The following RUFY3 variants were observed in gnomAD, a reference collection of about 807,000 sequenced individuals.
RUFY3 encodes protein RUFY3.
A neutral mutation model predicts 84.0 loss-of-function variants in RUFY3; 34 were observed. The ratio of observed to expected loss-of-function variants is 0.40; its 90% confidence interval spans 0.31 to 0.54. The LOEUF (loss-of-function observed/expected upper bound fraction) is 0.54, where lower values mean the gene tolerates loss of function less well. Ranked by LOEUF, RUFY3 falls within the 20% of genes least tolerant of loss-of-function variation. The pLI is 0.39. For synonymous variants in RUFY3, 242 were observed against 252.9 expected, an observed-to-expected ratio of 0.96 and a Z score of 0.41; for missense variants, 507 against 736.8, an observed-to-expected ratio of 0.69 and a Z score of 3.61.
At chr4:70,730,269 GACATTGAGAGGTGATGC>G (rs1390341647) in intron 1 of RUFY3, among the ~76,000 whole-genome samples, 1 of 152,060 alleles carries the variant, frequency 6.6e-6, no homozygotes, top group Non-Finnish European at 1.5e-5. Context: ...TAAGGAGTCT[GACATTGAGAGGTGATGC>G]ACAGATGATC....
intron 1 of RUFY3, among the ~76,000 whole-genome samples, chr4:70,737,878 T>G (rs1720619170): frequency 6.6e-6 from 1 of 151,740 alleles, no homozygotes; most frequent in African/African-American, 2.4e-5. Flanking sequence ...TACACCATGT[T>G]GCCAGGCTGG....
intron 1 of RUFY3, among the ~76,000 whole-genome samples, chr4:70,756,177 A>T (rs1278602859): frequency 6.6e-6 from 1 of 152,050 alleles, no homozygotes; most frequent in East Asian, 1.9e-4. Context: ...TGAAATGCTA[A>T]CGTTCTACCC....
At chr4:70,705,133 T>G in exon 1 of RUFY3, 1 of 1,443,576 alleles carries the variant, frequency 6.9e-7, no homozygotes, top group Non-Finnish European at 9.1e-7. Flanking sequence ...GCCCCCTTCT[T>G]CCTGCTGTAC....
chr4:70,769,274 C>T (rs1332571307), intron 5 of RUFY3, among the ~76,000 whole-genome samples: 1 of 151,988 alleles, frequency 6.6e-6, no homozygotes, highest in Non-Finnish European at 1.5e-5. Context: ...TATAGTTAGC[C>T]ATAATTGTGC....
chr4:70,723,651 G>C (rs935455915), intron 1 of RUFY3, among the ~76,000 whole-genome samples: 1 of 152,032 alleles, frequency 6.6e-6, no homozygotes, highest in Non-Finnish European at 1.5e-5. Flanking sequence ...TAATACAGTT[G>C]CTTCTTAGCT....
At chr4:70,719,132 C>T (rs1741988689), upstream of RUFY3, among the ~76,000 whole-genome samples, 1 of 152,216 alleles carries the variant, frequency 6.6e-6, no homozygotes, top group African/African-American at 2.4e-5. Flanking sequence ...TAAAGAACAG[C>T]GTAGAAGTAC....
intron 14 of RUFY3, among the ~76,000 whole-genome samples, chr4:70,796,163 C>T (rs886701928): frequency 1.3e-5 from 2 of 152,130 alleles, no homozygotes; most frequent in Non-Finnish European, 2.9e-5. Flanking sequence ...CACACCACTG[C>T]ACTCCAGCCT....
intron 1 of RUFY3, chr4:70,734,326 A>T (rs1719927824): frequency 6.2e-6 from 5 of 809,844 alleles, no homozygotes; most frequent in Non-Finnish European, 7.5e-6. Context: ...CTTTGCTTTC[A>T]CTGTGGCACA....
chr4:70,741,546 T>C, intron 1 of RUFY3: 1 of 1,211,592 alleles, frequency 8.3e-7, no homozygotes, highest in Admixed American at 2.5e-5. Context: ...CCTTTGGAAA[T>C]CTTGTTTTTA....
At position 70,788,936 on chromosome 4, in the gene RUFY3, T is replaced by A; in HGVS notation, c.1202T>A (p.Leu401His). The A allele has an allele frequency of 3.7e-6, 6 of 1,614,124 alleles. No individual in the cohort carries two copies. The highest frequency in any genetic ancestry group is 5.1e-6 in the Non-Finnish European group (6 of 1,179,998). Residue 401 changes from leucine (L) to histidine (H), a missense_variant, in exon 11 of 18, where the codon CTC (leucine) becomes CAC (histidine). Leu to His is a moderately conservative substitution (Grantham distance 99, BLOSUM62 -3). Coordinates refer to ENST00000381006, the MANE Select transcript of RUFY3 (RefSeq NM_001037442.4). ...TCTCTTCGGCAGCAGCTGGATGACCTCAGAGCTCTCAAGCATGAACTTGCC... is the reference window on the plus strand; with the variant it reads ...TCTCTTCGGCAGCAGCTGGATGACCACAGAGCTCTCAAGCATGAACTTGCC... Reference protein sequence around the residue: ...LVSLRQQLDDLRALKHELAFK... With the variant: ...LVSLRQQLDDHRALKHELAFK...
chr4:70,767,980 A>G (rs949485857), intron 4 of RUFY3, among the ~76,000 whole-genome samples: 7 of 151,988 alleles, frequency 4.6e-5, no homozygotes, highest in Non-Finnish European at 8.8e-5. Context: ...TGCCCAGCCA[A>G]TAATTTTTAT....
rs144474642 is a variant in RUFY3, at chr4:70,785,052, A to G, written c.1071+173A>G. Among the ~76,000 whole-genome samples, 100 of 152,222 alleles carry G rather than the reference A, an allele frequency of 6.6e-4. 1 individual carries two copies. The East Asian group carries it at 0.019, about 28-fold the overall frequency. ...CCACATTCCTTATCATACTTTCTCA[A>G]TCTTTTTCTGAGTATTCTCAACAAG... On this transcript the variant is annotated intron_variant, in intron 10 of 17. Coordinates refer to ENST00000381006, the MANE Select transcript of RUFY3 (RefSeq NM_001037442.4).
intron 1 of RUFY3, among the ~76,000 whole-genome samples, chr4:70,740,098 G>A (rs1372687707): frequency 6.6e-6 from 1 of 152,056 alleles, no homozygotes; most frequent in Non-Finnish European, 1.5e-5. Context: ...TTAAGCTGGT[G>A]GCACTGTAAA....
intron 2 of RUFY3, 35 bp downstream of exon 2, chr4:70,762,727 A>C (rs1578125948): frequency 6.3e-7 from 1 of 1,575,874 alleles, no homozygotes; most frequent in Non-Finnish European, 8.7e-7. Context: ...ATATGCATGC[A>C]GCTGTTTTCT....
intron 5 of RUFY3, among the ~76,000 whole-genome samples, chr4:70,773,166 C>T (rs1038046928): frequency 2.6e-5 from 4 of 151,986 alleles, no homozygotes; most frequent in Non-Finnish European, 5.9e-5. Flanking sequence ...GGGAAATGTG[C>T]TAATTTTTAA....
rs182166476 is a variant in RUFY3, at chr4:70,758,963, G to A, written c.179-3556G>A. Among the ~76,000 whole-genome samples, 9 of 152,148 alleles carry A rather than the reference G, an allele frequency of 5.9e-5. No individual in the cohort carries two copies. In the East Asian group the frequency reaches 7.7e-4, roughly 13 times the overall value. Reference sequence around the variant, plus strand: ...CGAGGCAGGAGAATGACATGAACCCGGGAGGCGGAGCTTGCAGTGAGCCGA... The same window carrying A: ...CGAGGCAGGAGAATGACATGAACCCAGGAGGCGGAGCTTGCAGTGAGCCGA... On this transcript the variant is annotated intron_variant, in intron 1 of 17. Transcript: ENST00000381006.
intron 1 of RUFY3, among the ~76,000 whole-genome samples, chr4:70,744,358 T>TTATGTATGTATGTATG (rs113177648): frequency 8.4e-4 from 127 of 150,734 alleles, no homozygotes; most frequent in African/African-American, 2.9e-3. Flanking sequence ...TGGCTAATTT[T>TTATGTATGTATGTATG]TATGTATGTA....
chr4:70,789,376 T>A, intron 11 of RUFY3, 119 bp from the exon 12 acceptor site: 1 of 996,084 alleles, frequency 1.0e-6, no homozygotes, highest in African/African-American at 1.6e-5. Context: ...CAGGATTAAC[T>A]GATATTGAAA....
At chr4:70,802,249 G>T (rs1424172495) in intron 15 of RUFY3, among the ~76,000 whole-genome samples, 1 of 152,138 alleles carries the variant, frequency 6.6e-6, no homozygotes, top group East Asian at 1.9e-4. Context: ...GATTATGATG[G>T]CAAGGAACAT....
Sources: allele counts gnomAD v4.1 joint callset (sites outside exome capture counted in the v4.1 genomes callset), GRCh38; gene constraint gnomAD v4.1.1; transcripts MANE v1.5; gene names NCBI Gene and HGNC (gene_info 2026-07-23, HGNC 2026-07-21).